MAG: variants seen among roughly 807,000 people sequenced by gnomAD.
MAG encodes myelin associated glycoprotein.
Under a neutral mutation model 60.7 loss-of-function variants are expected in MAG, and 30 were observed. The ratio of observed to expected loss-of-function variants is 0.49; its 90% CI spans 0.37 to 0.67. The LOEUF (loss-of-function observed/expected upper bound fraction) is 0.67. Ranked by LOEUF, MAG falls within the 30% of genes least tolerant of loss-of-function variation. MAG has a pLI of 0.00. For synonymous variants in MAG, 384 were observed against 376.8 expected (o/e 1.02, Z -0.22); for missense variants, 795 against 851.7 (o/e 0.93, Z 0.83).
chr19:35,306,733 C>T (rs1311079714), intron 7 of MAG, among the ~76,000 whole-genome samples: 1 of 152,222 alleles, frequency 6.6e-6, no homozygotes, highest in Non-Finnish European at 1.5e-5. Flanking sequence ...CCACTGCACC[C>T]GGCTGGGATG....
At position 35,296,090 on chromosome 19, in the gene MAG, C is replaced by A. The variant is rs1053545813; in HGVS notation, c.415+109C>A. On this transcript the variant is annotated intron_variant, in intron 4 of 10. Coordinates refer to ENST00000392213, the MANE Select transcript of MAG (RefSeq NM_002361.4). The stretch of plus-strand genomic sequence containing the variant: ...TCCCCAGCAGGCCTGGATGGCAGAT[C>A]TGGGAGGTGCTGATTTGGCTGGGGG... The A allele has an allele frequency of 9.1e-6, 13 of 1,429,506 alleles. No homozygotes were observed. The African/African-American group carries it at 1.9e-4, about 20-fold the overall frequency. 88.6% of individuals were successfully genotyped at this position (1,429,506 alleles called of 1,614,324 possible). A position where few individuals can be genotyped will look rare whatever the true frequency, so the allele number is the denominator to read the frequency against.
chr19:35,310,590 C>A lies in MAG; in HGVS notation c.1563C>A (p.Val521=). 1 of 1,614,070 alleles carries A rather than the reference C, an allele frequency of 6.2e-7. No individual in the cohort carries two copies. The highest frequency in any genetic ancestry group is 1.1e-5 in the South Asian group (1 of 91,040). The change falls in exon 9 of 11, where the codon GTC becomes GTA. Residue 521 remains valine, a synonymous_variant. Transcript: ENST00000392213. ...WAKIGPVGAV[V]AFAILIAIVC... ...AGATCGGGCCTGTGGGCGCCGTGGT[C>A]GCCTTTGCCATCCTGATTGCCATCG...
intron 2 of MAG, among the ~76,000 whole-genome samples, chr19:35,294,980 G>C (rs898164960): frequency 6.6e-6 from 1 of 152,072 alleles, no homozygotes; most frequent in African/African-American, 2.4e-5. Context: ...AGCAGACCAG[G>C]CATGGTGATT....
intron 7 of MAG, among the ~76,000 whole-genome samples, chr19:35,306,435 A>G (rs988110104): frequency 6.6e-6 from 1 of 151,890 alleles, no homozygotes; most frequent in South Asian, 2.1e-4. Flanking sequence ...CGTATTTTTA[A>G]TTTTAATTTT....
At position 35,313,408 on chromosome 19, in the gene MAG, C is replaced by T. The variant is rs201203320; in HGVS notation, c.1835C>T (p.Thr612Met). Residue 612 changes from threonine (T) to methionine (M), a missense_variant, in exon 11 of 11, where the codon ACG becomes ATG. Thr to Met is a moderately conservative substitution (Grantham distance 81). Coordinates refer to ENST00000392213, the MANE Select transcript of MAG (RefSeq NM_002361.4). ...AAACGGCCCACCAAGGACAGCTACA[C>T]GCTGACGGAGGAGCTAGCTGAGTAT... Reference protein sequence around the residue: ...LGKRPTKDSYTLTEELAEYAE... With the variant: ...LGKRPTKDSYMLTEELAEYAE... The T allele has an allele frequency of 2.2e-5, 36 of 1,613,792 alleles. No homozygotes were observed. The highest frequency in any genetic ancestry group is 2.9e-5 in the Non-Finnish European group (34 of 1,179,928).
intron 4 of MAG, among the ~76,000 whole-genome samples, chr19:35,299,270 C>T (rs1421037110): frequency 3.3e-5 from 5 of 152,200 alleles, no homozygotes; most frequent in Non-Finnish European, 7.3e-5. Flanking sequence ...CACCCTCTCG[C>T]TTTGCGGGAG....
intron 7 of MAG, among the ~76,000 whole-genome samples, chr19:35,307,119 A>C (rs1373957216): frequency 6.6e-6 from 1 of 152,256 alleles, no homozygotes; most frequent in Non-Finnish European, 1.5e-5. Context: ...GTGCTTTGAA[A>C]AAGTTTTATG....
rs199743835 is a variant in MAG, at chr19:35,313,547, G to T, written c.*93G>T. 1.1e-4 allele frequency: 144 copies of T among 1,334,818 alleles called. No homozygotes were observed. The highest frequency in any genetic ancestry group is 1.4e-4 in the Non-Finnish European group (139 of 995,516). The allele number at this position is 1,334,818 out of a possible 1,614,324, so 82.7% of individuals were successfully genotyped here. A position where few individuals can be genotyped will look rare whatever the true frequency, so the allele number is the denominator to read the frequency against. ...CTCCCTTCCTCCCAAAAGTATCGGG[G>T]GCTGGGGCAGGAGGGGAGTGAGGCA... On this transcript the variant is annotated 3_prime_UTR_variant, in exon 11 of 11. Coordinates refer to ENST00000392213, the MANE Select transcript of MAG (RefSeq NM_002361.4).
chr19:35,302,505 T>C lies in MAG; in HGVS notation c.1028T>C (p.Val343Ala). The C allele has an allele frequency of 6.2e-7, 1 of 1,614,120 alleles. No individual in the cohort carries two copies. Among genetic ancestry groups the C allele is most frequent in the South Asian group, 1.1e-5 (1 of 91,080 alleles). ...GTMVAVEGET[V>A]SILCSTQSNP... is the part of the protein sequence containing the mutation. ...ATGGTGGCCGTAGAGGGGGAGACGG[T>C]CTCTATCTTGTGCTCCACACAGAGC... The change falls in exon 7 of 11, where the codon GTC becomes GCC. Residue 343 changes from valine to alanine, a missense_variant. Transcript: ENST00000392213.
intron 6 of MAG, among the ~76,000 whole-genome samples, chr19:35,301,924 C>T (rs568617507): frequency 1.3e-5 from 2 of 152,176 alleles, no homozygotes; most frequent in African/African-American, 2.4e-5. Context: ...TGGCTCTGCC[C>T]ACCTCCTAGG....
At chr19:35,299,882 G>T in intron 5 of MAG, 32 bp downstream of exon 5, 2 of 1,099,274 alleles carry the variant, frequency 1.8e-6, no homozygotes, top group Non-Finnish European at 2.4e-6. Context: ...GCGGGGTGGG[G>T]CGGGGTGGGG....
intron 6 of MAG, 69 bp downstream of exon 6, chr19:35,300,473 C>T: frequency 6.7e-7 from 1 of 1,492,740 alleles, no homozygotes; most frequent in Admixed American, 2.1e-5. Flanking sequence ...GGGGCCTCAT[C>T]CAGGGCGAGC....
chr19:35,310,762 C>A (rs1419492046), intron 9 of MAG, 119 bp downstream of exon 9: 17 of 827,452 alleles, frequency 2.1e-5, no homozygotes, highest in Non-Finnish European at 2.6e-5. Context: ...AAGGCAGATT[C>A]TGTTCTGGGA....
In MAG at chr19:35,310,633, A is replaced by G. The variant is rs1343726147; in HGVS notation, c.1606A>G (p.Thr536Ala). The G allele has an allele frequency of 1.2e-6, 2 of 1,613,936 alleles. No individual in the cohort carries two copies. The highest frequency in any genetic ancestry group is 1.7e-6 in the Non-Finnish European group (2 of 1,179,990). ...LIAIVCYITQ[T>A]RRKKNVTESP... ...TGCCATCGTCTGCTACATTACCCAG[A>G]CACGCAGGAAGTGAGTGCCAGCTGG... The change falls in exon 9 of 11, where the codon ACA (threonine) becomes GCA (alanine). Residue 536 changes from threonine (T) to alanine (A), a missense_variant. Coordinates refer to ENST00000392213, the MANE Select transcript of MAG (RefSeq NM_002361.4).
chr19:35,292,283 G>T, intron 1 of MAG, 79 bp downstream of exon 1: 1 of 455,894 alleles, frequency 2.2e-6, no homozygotes, highest in Non-Finnish European at 4.4e-6. Context: ...GCAGGGTCAG[G>T]TGCTCTGGGT....
rs369749032 is a variant in MAG, at chr19:35,295,382, C to A, written c.-23-4C>A. On this transcript the variant is annotated splice_polypyrimidine_tract_variant and splice_region_variant and intron_variant, in intron 2 of 10. Coordinates refer to ENST00000392213, the MANE Select transcript of MAG (RefSeq NM_002361.4). This position sits in a 1 kb window ranked among gnomAD's most constrained non-coding sequence, Gnocchi z 5.8. ...GCCTTTAACCCTCTCCTCTCCCTTTCCAGCGATCACTCACTCGCTGTACAG... is the reference window on the plus strand; with the variant it reads ...GCCTTTAACCCTCTCCTCTCCCTTTACAGCGATCACTCACTCGCTGTACAG... 8.7e-6 allele frequency: 14 copies of A among 1,612,732 alleles called. No individual in the cohort carries two copies. In the African/African-American group the frequency reaches 1.5e-4, roughly 17 times the overall value.
Position 35,293,471 on chromosome 19 carries a change from G to A in MAG, c.-79-764G>A, listed in dbSNP as rs1281343964. On this transcript the variant is annotated intron_variant, in intron 1 of 10. Transcript: ENST00000392213. The surrounding 1 kb of genome is among the most constrained non-coding windows in gnomAD (Gnocchi z 4.0). ...GTGTCTGTATGAGTCTCCGCTGCGTGTGCCTGCCCCTTCTGGCTGGGGCTA... is the reference window on the plus strand; with the variant it reads ...GTGTCTGTATGAGTCTCCGCTGCGTATGCCTGCCCCTTCTGGCTGGGGCTA... 4.6e-5 allele frequency among the ~76,000 whole-genome samples: 7 copies of A among 152,222 alleles called. No homozygotes were observed. In the East Asian group the frequency reaches 9.7e-4, roughly 21 times the overall value.
At chr19:35,304,545 A>AT (rs577765530) in intron 7 of MAG, among the ~76,000 whole-genome samples, 364 of 150,648 alleles carry the variant, frequency 2.4e-3, no homozygotes, top group African/African-American at 8.3e-3. Context: ...TATTATTATT[A>AT]TTATTTTTTT....
At position 35,299,742 on chromosome 19, in the gene MAG, C is replaced by A. The variant is rs11084810; in HGVS notation, c.604C>A (p.Leu202Met). ...DEGTWVQVSL[L>M]HFVPTREANG... ...GGGCACCTGGGTGCAGGTGTCACTGCTGCACTTCGTGCCCACGAGGGAGGC... is the reference window on the plus strand; with the variant it reads ...GGGCACCTGGGTGCAGGTGTCACTGATGCACTTCGTGCCCACGAGGGAGGC... The change falls in exon 5 of 11, where the codon CTG (leucine) becomes ATG (methionine). Residue 202 changes from leucine (L) to methionine (M), a missense_variant. Leu to Met is a conservative substitution (Grantham distance 15). Transcript: ENST00000392213. The A allele has an allele frequency of 7.7e-3, 11,938 of 1,560,384 alleles. 405 individuals carry two copies. In the East Asian group the frequency reaches 0.09, roughly 12 times the overall value.
Sources: allele counts gnomAD v4.1 joint callset (sites outside exome capture counted in the v4.1 genomes callset), GRCh38; gene constraint gnomAD v4.1.1; non-coding constraint Gnocchi (gnomAD v3.1); transcripts MANE v1.5; gene names NCBI Gene and HGNC (gene_info 2026-07-23, HGNC 2026-07-21).